The following ARFGEF1 variants were observed in gnomAD, a reference collection of about 807,000 sequenced individuals.
ARFGEF1 encodes the protein brefeldin A-inhibited guanine nucleotide-exchange protein 1.
Under a neutral mutation model 231.0 loss-of-function variants are expected in ARFGEF1, and 42 were observed. That is an observed-to-expected ratio of 0.18 (90% CI 0.14 to 0.24). The LOEUF (loss-of-function observed/expected upper bound fraction) is 0.24. Ranked by LOEUF, ARFGEF1 falls within the 10% of genes least tolerant of loss-of-function variation. ARFGEF1 has a pLI of 1.00. For missense variants in ARFGEF1, 1,345 were observed against 2,192.0 expected (o/e 0.61, Z 7.72); for synonymous variants, 710 against 732.3 (o/e 0.97, Z 0.49).
chr8:67,175,487 GT>G (rs762472103), exon 6 of ARFGEF1: 1 of 1,602,260 alleles, frequency 6.2e-7, no homozygotes, highest in Non-Finnish European at 8.5e-7. Context: ...CTGTTTTTCC[GT>G]AGGCTTTCTG....
At chr8:67,269,207 A>G (rs187073714) in intron 10 of ARFGEF1, among the ~76,000 whole-genome samples, 1 of 152,266 alleles carries the variant, frequency 6.6e-6, no homozygotes, top group East Asian at 1.9e-4. Context: ...TCTGGAATAG[A>G]TATATAATTT....
intron 6 of ARFGEF1, among the ~76,000 whole-genome samples, chr8:67,289,549 CAAAAAAAAAA>C (rs552601455): frequency 0.01 from 450 of 44,842 alleles, 6 homozygotes; most frequent in Admixed American, 0.087. Flanking sequence ...ACTCTGTATC[CAAAAAAAAAA>C]AAAAAAAAAA....
intron 3 of ARFGEF1, among the ~76,000 whole-genome samples, chr8:67,300,734 C>T (rs1040893783): frequency 1.3e-5 from 2 of 149,140 alleles, no homozygotes; most frequent in African/African-American, 4.9e-5. Flanking sequence ...TTCCCAACTA[C>T]TCAGAAGTCT....
In ARFGEF1 at chr8:67,341,400, G is replaced by A. The variant is rs567813991; in HGVS notation, c.124+1764C>T. On this transcript the variant is annotated intron_variant, in intron 1 of 38. Coordinates refer to ENST00000262215, the MANE Select transcript of ARFGEF1 (RefSeq NM_006421.5). ...CCCAGATTTGGAGACCAGCCTGGGC[G>A]ATATAGAGAGACCGCCATCTCCACC... is the stretch of plus-strand genomic sequence containing the variant. Among the ~76,000 whole-genome samples, 81 of 140,184 alleles carry A rather than the reference G, an allele frequency of 5.8e-4. 1 individual carries two copies. The highest frequency in any genetic ancestry group is 3.8e-3 in the South Asian group (17 of 4,430). 92.0% of individuals were successfully genotyped at this position (140,184 alleles called of 152,430 possible).
chr8:67,258,343 T>A (rs76411298), intron 15 of ARFGEF1, 53 bp from the exon 16 acceptor site: 1 of 1,203,628 alleles, frequency 8.3e-7, no homozygotes, highest in Non-Finnish European at 1.2e-6. Context: ...TTTTTTTTTT[T>A]GAGACAGAGT....
chr8:67,225,558 C>T (rs1839344150), intron 28 of ARFGEF1, among the ~76,000 whole-genome samples: 1 of 152,154 alleles, frequency 6.6e-6, no homozygotes, highest in Admixed American at 6.6e-5. Flanking sequence ...TCAATTCAAC[C>T]TTTTACTTTA....
Position 67,227,130 on chromosome 8 carries a change from TACTC to T in ARFGEF1, c.3916+3_3916+6del. 1 of 1,607,390 alleles carries T rather than the reference TACTC, an allele frequency of 6.2e-7. No homozygotes were observed. Among genetic ancestry groups the T allele is most frequent in the Non-Finnish European group, 8.5e-7 (1 of 1,175,410 alleles). Reference sequence around the variant, plus strand: ...TTTTACTTGAACACAGCTAAGAGAATACTCACTGACAATGTGCCCGGTTGTTTGG... The same window carrying T: ...TTTTACTTGAACACAGCTAAGAGAATACTGACAATGTGCCCGGTTGTTTGG... On this transcript the variant is annotated splice_donor_5th_base_variant and intron_variant, in intron 27 of 38. Coordinates refer to ENST00000262215, the MANE Select transcript of ARFGEF1 (RefSeq NM_006421.5).
At chr8:67,220,710 G>C (rs551971140) in intron 29 of ARFGEF1, among the ~76,000 whole-genome samples, 1 of 152,280 alleles carries the variant, frequency 6.6e-6, no homozygotes, top group South Asian at 2.1e-4. Context: ...AATGGAACAA[G>C]GCTCCCTCGT....
chr8:67,301,721 T>C (rs566156204), intron 2 of ARFGEF1, among the ~76,000 whole-genome samples: 220 of 152,334 alleles, frequency 1.4e-3, no homozygotes, highest in African/African-American at 5.0e-3. Flanking sequence ...ATGGCCTTTC[T>C]ATTTGTCCTT....
chr8:67,277,934 A>G (rs1311865694), intron 7 of ARFGEF1, among the ~76,000 whole-genome samples: 1 of 152,214 alleles, frequency 6.6e-6, no homozygotes, highest in Non-Finnish European at 1.5e-5. Flanking sequence ...TTATTGTACC[A>G]TAAGCCCCCT....
Position 67,189,281 on chromosome 8 carries a change from G to A in ARFGEF1, c.560+11115C>T, listed in dbSNP as rs143491665. On this transcript the variant is annotated intron_variant, in intron 5 of 5. Transcript: ENST00000518789. ...CACTCCTTGGTATTTGCCTAAGGGA[G>A]CTGAAAACTTGTCCATAAAGAAACT... Among the ~76,000 whole-genome samples, 3 of 152,244 alleles carry A rather than the reference G, an allele frequency of 2.0e-5. No homozygotes were observed. The East Asian group carries it at 5.8e-4, about 29-fold the overall frequency.
chr8:67,247,727 GAGA>G (rs1234532076), intron 19 of ARFGEF1, among the ~76,000 whole-genome samples: 2 of 150,422 alleles, frequency 1.3e-5, no homozygotes, highest in African/African-American at 5.0e-5. Flanking sequence ...AATCAGAAAA[GAGA>G]AAGAAATAAA....
intron 14 of ARFGEF1, among the ~76,000 whole-genome samples, chr8:67,262,451 G>A (rs1275380475): frequency 6.6e-6 from 1 of 152,142 alleles, no homozygotes; most frequent in African/African-American, 2.4e-5. Context: ...TGTGAACACT[G>A]GTGGAAAGAA....
chr8:67,223,938 T>G (rs926517982), intron 29 of ARFGEF1, among the ~76,000 whole-genome samples: 1 of 152,214 alleles, frequency 6.6e-6, no homozygotes, highest in Non-Finnish European at 1.5e-5. Flanking sequence ...GCTCTCATAA[T>G]TAAAATCCCT....
intron 7 of ARFGEF1, among the ~76,000 whole-genome samples, chr8:67,286,605 A>C (rs1209554110): frequency 6.6e-6 from 1 of 152,232 alleles, no homozygotes; most frequent in Non-Finnish European, 1.5e-5. Flanking sequence ...TCTGGCCCAC[A>C]GGCCGTAATG....
chr8:67,328,916 T>C (rs961764279), intron 1 of ARFGEF1, among the ~76,000 whole-genome samples: 1 of 152,184 alleles, frequency 6.6e-6, no homozygotes, highest in African/African-American at 2.4e-5. Context: ...GGAAATACTG[T>C]GGTAATTTTT....
At chr8:67,260,862 G>A (rs1804588183) in intron 14 of ARFGEF1, among the ~76,000 whole-genome samples, 1 of 152,194 alleles carries the variant, frequency 6.6e-6, no homozygotes, top group Admixed American at 6.5e-5. Flanking sequence ...TGCTACTCCA[G>A]TGAATACACC....
At chr8:67,181,118 G>T (rs1832918004) in intron 5 of ARFGEF1, among the ~76,000 whole-genome samples, 2 of 151,770 alleles carry the variant, frequency 1.3e-5, no homozygotes. Flanking sequence ...GCTCACTACA[G>T]CCTCAAATTC....
At chr8:67,177,070 C>CAAAAA (rs36084458) in intron 5 of ARFGEF1, among the ~76,000 whole-genome samples, 10 of 51,798 alleles carry the variant, frequency 1.9e-4, no homozygotes, top group East Asian at 1.2e-3. Context: ...GACTTAGTCT[C>CAAAAA]AAAAAAAAAA....
Sources: gnomAD v4.1 joint callset for allele counts (sites outside exome capture counted in the v4.1 genomes callset) on GRCh38, gnomAD v4.1.1 for gene constraint, MANE v1.5 for transcripts, NCBI Gene and HGNC (gene_info 2026-07-23, HGNC 2026-07-21) for gene names.